TENM3: variants seen among roughly 807,000 people sequenced by gnomAD.
TENM3 encodes teneurin transmembrane protein 3, also known as teneurin-3.
TENM3 carries 63 observed loss-of-function variants against 255.1 expected under a neutral mutation model. The observed-to-expected ratio is 0.25, with a 90% CI of 0.20 to 0.30. The LOEUF is 0.30. TENM3 is among the 10% of genes least tolerant of loss of function. The pLI is 1.00. For synonymous variants in TENM3, 1,306 were observed against 1,322.3 expected, an observed-to-expected ratio of 0.99 and a Z score of 0.27; for missense variants, 2,929 against 3,461.1, an observed-to-expected ratio of 0.85 and a Z score of 3.86.
rs764345059 is a variant in TENM3, at chr4:182,346,833, G to T, written c.415G>T (p.Val139Phe). 1.2e-6 allele frequency: 2 copies of T among 1,613,220 alleles called. No homozygotes were observed. The highest frequency in any genetic ancestry group is 8.5e-7 in the Non-Finnish European group (1 of 1,179,608). The change falls in exon 3 of 28, where the codon GTC becomes TTC. Residue 139 changes from valine to phenylalanine, a missense_variant. Around this residue, in one of 6 missense-constraint regions of TENM3, gnomAD observed 283 missense variants for 256.9 expected, o/e 1.10. Transcript: ENST00000511685. ...TGCCATGAGACTTTGGGGCAGGGGGGTCAAATCAGGCCGCAGCTCCTGCCT... is the reference window on the plus strand; with the variant it reads ...TGCCATGAGACTTTGGGGCAGGGGGTTCAAATCAGGCCGCAGCTCCTGCCT... ...EHAMRLWGRG[V>F]KSGRSSCLSS...
At chr4:182,428,216 T>C (rs1771375586) in intron 3 of TENM3, among the ~76,000 whole-genome samples, 1 of 152,114 alleles carries the variant, frequency 6.6e-6, no homozygotes, top group Non-Finnish European at 1.5e-5. Flanking sequence ...TCCGGTTACT[T>C]AAGTGATAAG....
the TENM3 span, among the ~76,000 whole-genome samples, chr4:182,025,227 A>C: frequency 1.3e-5 from 2 of 151,820 alleles, no homozygotes; most frequent in Non-Finnish European, 2.9e-5. Context: ...ATGGGGTTTC[A>C]CTGTGTTGGC....
At chr4:182,786,790 C>T (rs953069059) in intron 24 of TENM3, among the ~76,000 whole-genome samples, 4 of 152,130 alleles carry the variant, frequency 2.6e-5, no homozygotes, top group African/African-American at 9.7e-5. Context: ...AGCACTGTCC[C>T]TGGAAGCTAC....
intron 22 of TENM3, among the ~76,000 whole-genome samples, chr4:182,770,312 C>G (rs182802244): frequency 6.6e-6 from 1 of 152,236 alleles, no homozygotes; most frequent in Admixed American, 6.5e-5. Context: ...ACCTTAGGTT[C>G]CTCGTTAAAA....
At chr4:182,446,848 G>A (rs1162889815) in intron 3 of TENM3, among the ~76,000 whole-genome samples, 2 of 152,062 alleles carry the variant, frequency 1.3e-5, no homozygotes, top group African/African-American at 4.8e-5. Flanking sequence ...CTCTGCCCTA[G>A]TTATATGGTG....
chr4:181,559,835 G>A, the TENM3 span, among the ~76,000 whole-genome samples: 1 of 152,332 alleles, frequency 6.6e-6, no homozygotes, highest in East Asian at 1.9e-4. Context: ...TTGCCTAGGG[G>A]CATTGAGAAA....
At chr4:181,896,479 T>G in the TENM3 span, among the ~76,000 whole-genome samples, 2 of 152,192 alleles carry the variant, frequency 1.3e-5, no homozygotes, top group Non-Finnish European at 2.9e-5. Flanking sequence ...TCCTGGTATT[T>G]TGTAATTAAA....
chr4:181,899,135 GAGAAA>G, the TENM3 span, among the ~76,000 whole-genome samples: 1 of 151,632 alleles, frequency 6.6e-6, no homozygotes, highest in Non-Finnish European at 1.5e-5. Context: ...TTTTTTTCCA[GAGAAA>G]AGAAGTAAAA....
the TENM3 span, among the ~76,000 whole-genome samples, chr4:181,605,574 G>GAAAGA: frequency 9.1e-5 from 2 of 21,976 alleles, no homozygotes. Flanking sequence ...AAGAAAGAGA[G>GAAAGA]AGAAAGAAAG....
chr4:182,722,062 T>A (rs935836185), intron 13 of TENM3, among the ~76,000 whole-genome samples: 2 of 152,192 alleles, frequency 1.3e-5, no homozygotes, highest in Admixed American at 6.5e-5. Context: ...TGACATAAAT[T>A]TGTCTGAGGT....
the TENM3 span, among the ~76,000 whole-genome samples, chr4:181,518,119 G>A: frequency 6.6e-6 from 1 of 152,116 alleles, no homozygotes; most frequent in South Asian, 2.1e-4. Context: ...ACCTCCTTTA[G>A]CATTTAATTT....
At chr4:182,018,130 G>A in the TENM3 span, among the ~76,000 whole-genome samples, 21 of 152,176 alleles carry the variant, frequency 1.4e-4, no homozygotes, top group African/African-American at 4.8e-4. Context: ...ATAACTTACC[G>A]TGTATGACTA....
intron 24 of TENM3, among the ~76,000 whole-genome samples, chr4:182,783,234 C>A (rs1049761971): frequency 3.3e-5 from 5 of 152,148 alleles, no homozygotes; most frequent in African/African-American, 1.2e-4. Flanking sequence ...TTCAGGAGCT[C>A]TTTTAGGGCA....
intron 1 of TENM3, among the ~76,000 whole-genome samples, chr4:182,304,785 T>A (rs1762045080): frequency 6.6e-6 from 1 of 152,136 alleles, no homozygotes; most frequent in African/African-American, 2.4e-5. Flanking sequence ...TGACACAGCT[T>A]AAAACTGTTT....
chr4:181,682,209 C>T, the TENM3 span, among the ~76,000 whole-genome samples: 2 of 152,130 alleles, frequency 1.3e-5, no homozygotes, highest in Non-Finnish European at 2.9e-5. Flanking sequence ...TGTGAGTATC[C>T]TGCCACCGCC....
rs138679982 is a variant in TENM3 at position 182,670,484 on chromosome 4, C to T, written c.1112-2521C>T. 2.0e-4 allele frequency among the ~76,000 whole-genome samples: 31 copies of T among 152,338 alleles called. No individual in the cohort carries two copies. The East Asian group carries it at 5.8e-3, about 28-fold the overall frequency. ...GCAGCTGTGTCCTCACTCATCTCTTCATGTCCAGGCTTCCCACAGTTACTG... is the reference window on the plus strand; with the variant it reads ...GCAGCTGTGTCCTCACTCATCTCTTTATGTCCAGGCTTCCCACAGTTACTG... On this transcript the variant is annotated intron_variant, in intron 6 of 27. Coordinates refer to ENST00000511685, the MANE Select transcript of TENM3 (RefSeq NM_001080477.4).
At chr4:181,923,252 C>T in the TENM3 span, among the ~76,000 whole-genome samples, 18 of 152,014 alleles carry the variant, frequency 1.2e-4, no homozygotes, top group Non-Finnish European at 1.3e-4. Flanking sequence ...CTATTAGGTC[C>T]GCTTGGTGCA....
At chr4:181,725,283 G>A in the TENM3 span, among the ~76,000 whole-genome samples, 1 of 152,196 alleles carries the variant, frequency 6.6e-6, no homozygotes, top group African/African-American at 2.4e-5. Context: ...CATCAGGAAA[G>A]AAAAGTATTG....
At chr4:181,885,578 G>C in the TENM3 span, among the ~76,000 whole-genome samples, 1 of 152,020 alleles carries the variant, frequency 6.6e-6, no homozygotes, top group East Asian at 1.9e-4. Flanking sequence ...AAGATTTTAA[G>C]ACCATTGACT....
Sources: gnomAD v4.1 joint callset for allele counts (sites outside exome capture counted in the v4.1 genomes callset) on GRCh38, gnomAD v4.1.1 for gene constraint, gnomAD v4.1.1 regional missense constraint, MANE v1.5 for transcripts, NCBI Gene and HGNC (gene_info 2026-07-23, HGNC 2026-07-21) for gene names.